Variants in KATNIP observed in about 807,000 individuals in gnomAD.
KATNIP encodes katanin interacting protein, also known as katanin-interacting protein.
Under a neutral mutation model 174.0 loss-of-function variants are expected in KATNIP, and 126 were observed. The observed-to-expected ratio is 0.72, with a 90% CI of 0.63 to 0.84. The LOEUF (loss-of-function observed/expected upper bound fraction) is 0.84. Ranked by LOEUF, KATNIP falls within the 40% of genes least tolerant of loss-of-function variation. The pLI, the probability that KATNIP is intolerant of heterozygous loss-of-function variation, is 0.00. For synonymous variants in KATNIP, 810 were observed against 835.7 expected, an observed-to-expected ratio of 0.97 and a Z score of 0.53; for missense variants, 1,958 against 2,109.7, an observed-to-expected ratio of 0.93 and a Z score of 1.41.
intron 3 of KATNIP, among the ~76,000 whole-genome samples, chr16:27,627,675 A>T (rs1418618517): frequency 6.6e-6 from 1 of 152,254 alleles, no homozygotes; most frequent in Non-Finnish European, 1.5e-5. Context: ...AGTTTAGCAT[A>T]CAGTATGCAC....
rs752292890 is a variant in KATNIP, at chr16:27,723,386, C to A, written c.1743+1691C>A. On this transcript the variant is annotated intron_variant, in intron 14 of 27. Transcript: ENST00000261588. ...TCCCTTTATCCCTGTCCCCCCTCCA[C>A]CCCCATCTCACTCAACTCAGAATGC... 4.7e-4 allele frequency among the ~76,000 whole-genome samples: 71 copies of A among 151,926 alleles called. 1 individual carries two copies. Among genetic ancestry groups the A allele is most frequent in the Non-Finnish European group, 8.5e-4 (58 of 67,954 alleles).
chr16:27,773,306 C>A, intron 23 of KATNIP, 97 bp downstream of exon 23: 1 of 800,624 alleles, frequency 1.2e-6, no homozygotes, highest in Non-Finnish European at 2.0e-6. Context: ...AGGGAAATGG[C>A]CCTCTAGGAA....
intron 2 of KATNIP, among the ~76,000 whole-genome samples, chr16:27,581,906 T>C (rs539759931): frequency 1.3e-5 from 2 of 152,348 alleles, no homozygotes; most frequent in South Asian, 2.1e-4. Flanking sequence ...TCCATGTTGC[T>C]GCGAATGCCA....
intron 20 of KATNIP, among the ~76,000 whole-genome samples, chr16:27,766,804 G>T (rs1237384571): frequency 1.3e-5 from 2 of 152,146 alleles, no homozygotes; most frequent in African/African-American, 4.8e-5. Flanking sequence ...TCTGCTGAGG[G>T]CTTCACGGGC....
At chr16:27,673,088 C>T (rs1352166531) in intron 6 of KATNIP, among the ~76,000 whole-genome samples, 1 of 152,154 alleles carries the variant, frequency 6.6e-6, no homozygotes, top group African/African-American at 2.4e-5. Context: ...TTCCCCCACC[C>T]CAGCAGAACA....
chr16:27,710,180 C>T (rs935547764), intron 13 of KATNIP, among the ~76,000 whole-genome samples: 2 of 152,046 alleles, frequency 1.3e-5, no homozygotes, highest in African/African-American at 4.8e-5. Context: ...GCCAACATGG[C>T]GAAATCCTGT....
chr16:27,661,993 CAT>C (rs56350763), intron 6 of KATNIP, among the ~76,000 whole-genome samples: 1,126 of 5,486 alleles, frequency 0.21, 348 homozygotes, highest in Non-Finnish European at 0.27. Context: ...TATACACATA[CAT>C]ATATATATAT....
At chr16:27,730,653 G>C (rs1212093646) in intron 14 of KATNIP, among the ~76,000 whole-genome samples, 2 of 152,176 alleles carry the variant, frequency 1.3e-5, no homozygotes, top group East Asian at 3.9e-4. Context: ...TTGAGGTTCA[G>C]CTTAAACCTG....
chr16:27,659,950 C>T, intron 6 of KATNIP: 2 of 969,996 alleles, frequency 2.1e-6, no homozygotes, highest in Non-Finnish European at 2.5e-6. Flanking sequence ...GGCCTGGTCC[C>T]CACTACCTAT....
At position 27,585,516 on chromosome 16, in the gene KATNIP, C is replaced by G. The variant is rs191917821; in HGVS notation, c.63+11560C>G. Among the ~76,000 whole-genome samples the G allele has an allele frequency of 1.8e-3, 274 of 152,288 alleles. 1 individual carries two copies. The highest frequency in any genetic ancestry group is 3.4e-3 in the Non-Finnish European group (229 of 68,018). On this transcript the variant is annotated intron_variant, in intron 2 of 27. Coordinates refer to ENST00000261588, the MANE Select transcript of KATNIP (RefSeq NM_015202.5). ...GTTCATAATAGCCAAGACTTGGAAG[C>G]AACCTCAGTGTCCAACAGACACACG...
chr16:27,717,529 C>T (rs916349861), intron 13 of KATNIP, among the ~76,000 whole-genome samples: 7 of 152,000 alleles, frequency 4.6e-5, no homozygotes, highest in Admixed American at 6.6e-5. Flanking sequence ...ACCTGTTTGC[C>T]TTCCCTCATA....
Position 27,609,412 on chromosome 16 carries a change from ACGGAGTCT to A in KATNIP, c.64-9010_64-9003del, listed in dbSNP as rs1367755603. Reference sequence around the variant, plus strand: ...TTTTTTTTTTTTTTTTTTTTTTGAGACGGAGTCTCGCTTTGTTGCCCAGGCCAAAGTGC... The same window carrying A: ...TTTTTTTTTTTTTTTTTTTTTTGAGACGCTTTGTTGCCCAGGCCAAAGTGC... On this transcript the variant is annotated intron_variant, in intron 2 of 27. Transcript: ENST00000261588. Among the ~76,000 whole-genome samples the A allele has an allele frequency of 1.1e-4, 10 of 93,490 alleles. No homozygotes were observed. In the East Asian group the frequency reaches 3.5e-3, roughly 33 times the overall value. The allele number at this position is 93,490 out of a possible 152,430, so 61.3% of individuals were successfully genotyped here.
intron 19 of KATNIP, among the ~76,000 whole-genome samples, chr16:27,761,959 G>T (rs1463931646): frequency 6.6e-6 from 1 of 152,208 alleles, no homozygotes; most frequent in Non-Finnish European, 1.5e-5. Flanking sequence ...AATGACCCAG[G>T]CCTCCCGGGG....
chr16:27,707,863 A>G (rs1054499677), intron 12 of KATNIP, among the ~76,000 whole-genome samples: 4 of 152,168 alleles, frequency 2.6e-5, no homozygotes, highest in African/African-American at 9.7e-5. Context: ...TCCTCTTATA[A>G]GGACACCAGT....
intron 6 of KATNIP, among the ~76,000 whole-genome samples, chr16:27,658,767 GTTGT>G (rs1195243347): frequency 6.6e-6 from 1 of 151,952 alleles, no homozygotes; most frequent in African/African-American, 2.4e-5. Flanking sequence ...TGTTGTTGTT[GTTGT>G]TTGTTTGTTT....
At position 27,740,773 on chromosome 16, in the gene KATNIP, C is replaced by T. The variant is rs780743102; in HGVS notation, c.2476C>T (p.Pro826Ser). 2 of 1,614,068 alleles carry T rather than the reference C, an allele frequency of 1.2e-6. No homozygotes were observed. The highest frequency in any genetic ancestry group is 2.7e-5 in the African/African-American group (2 of 74,910). ...CCGGAGTGTCAACACCAAGGAGAGACCCCAGAGGGCAACCACCAAAGTCCA... is the reference window on the plus strand; with the variant it reads ...CCGGAGTGTCAACACCAAGGAGAGATCCCAGAGGGCAACCACCAAAGTCCA... ...TSRSVNTKERPQRATTKVHSD... is the reference protein window; with the variant it reads ...TSRSVNTKERSQRATTKVHSD... Residue 826 changes from proline to serine, a missense_variant, in exon 15 of 28, where the codon CCC (proline) becomes TCC (serine). Transcript: ENST00000261588.
intron 15 of KATNIP, among the ~76,000 whole-genome samples, chr16:27,742,907 A>T (rs2081161310): frequency 6.6e-6 from 1 of 151,734 alleles, no homozygotes; most frequent in African/African-American, 2.4e-5. Flanking sequence ...GGTTTGTTAC[A>T]TAGGTAAATG....
intron 10 of KATNIP, 121 bp downstream of exon 10, chr16:27,699,720 C>T (rs888621936): frequency 3.4e-5 from 46 of 1,340,762 alleles, no homozygotes; most frequent in Admixed American, 8.6e-5. Context: ...GCCTCCAGGG[C>T]GCTTTCCTTC....
rs184710059 is a variant in KATNIP at position 27,718,126 on chromosome 16, A to T, written c.1606-3432A>T. 141 of 152,376 alleles carry T rather than the reference A, an allele frequency of 9.3e-4. 1 individual carries two copies. Among genetic ancestry groups the T allele is most frequent in the African/African-American group, 2.5e-3 (102 of 41,588 alleles). The allele number at this position is 152,376 out of a possible 1,614,324, so 9.4% of individuals were successfully genotyped here. On this transcript the variant is annotated intron_variant, in intron 13 of 27. Transcript: ENST00000261588. ...GACAGAATGAATTAATGCATGAAAGATGGAGGCTCGGATCCTCACTCCACC... is the reference window on the plus strand; with the variant it reads ...GACAGAATGAATTAATGCATGAAAGTTGGAGGCTCGGATCCTCACTCCACC...
Sources: gnomAD v4.1 joint callset for allele counts (sites outside exome capture counted in the v4.1 genomes callset) on GRCh38, gnomAD v4.1.1 for gene constraint, MANE v1.5 for transcripts, NCBI Gene and HGNC (gene_info 2026-07-23, HGNC 2026-07-21) for gene names.